The following CLUAP1 variants were observed in gnomAD, a reference collection of about 807,000 sequenced individuals.
CLUAP1 encodes intraflagellar transport 38.
A neutral mutation model predicts 55.0 loss-of-function variants in CLUAP1; 50 were observed. The observed-to-expected ratio is 0.91, with a 90% confidence interval of 0.72 to 1.15. The LOEUF (loss-of-function observed/expected upper bound fraction) is 1.15, where lower values mean the gene tolerates loss of function less well. Among genes scored for constraint, CLUAP1 ranks in the 50% most tolerant of loss-of-function variants. The probability of loss-of-function intolerance (pLI) is 0.00; values close to 1 mark genes in which losing one functional copy is unlikely to be tolerated. For missense variants in CLUAP1, 530 were observed against 507.6 expected (o/e 1.04, Z -0.42); for synonymous variants, 195 against 175.4 (o/e 1.11, Z -0.88).
chr16:3,527,515 C>T (rs1430265926), intron 9 of CLUAP1, among the ~76,000 whole-genome samples: 1 of 152,076 alleles, frequency 6.6e-6, no homozygotes, highest in Admixed American at 6.6e-5. Flanking sequence ...AAAACACCTG[C>T]TACTTAGCAG....
the CLUAP1 span, chr16:3,495,460 G>C: frequency 1.9e-6 from 3 of 1,599,982 alleles, no homozygotes; most frequent in African/African-American, 1.3e-5. Flanking sequence ...CCAGGACTTG[G>C]GTGCAGCAGG....
intron 2 of CLUAP1, among the ~76,000 whole-genome samples, chr16:3,505,371 A>G (rs1221450202): frequency 6.6e-6 from 1 of 151,990 alleles, no homozygotes; most frequent in African/African-American, 2.4e-5. Context: ...TCTATTAAAA[A>G]CACAAAAAAT....
chr16:3,529,389 G>A (rs1054121242), intron 9 of CLUAP1, among the ~76,000 whole-genome samples: 3 of 100,634 alleles, frequency 3.0e-5, no homozygotes, highest in African/African-American at 1.2e-4. Context: ...GTGTGTGTGT[G>A]TGTGTAGTTT....
intron 8 of CLUAP1, among the ~76,000 whole-genome samples, chr16:3,525,065 C>G (rs989568259): frequency 3.3e-5 from 5 of 152,144 alleles, no homozygotes; most frequent in Non-Finnish European, 1.5e-5. Flanking sequence ...ACTGGGAGTA[C>G]CTAACGCATC....
intron 7 of CLUAP1, among the ~76,000 whole-genome samples, chr16:3,522,859 A>G (rs1345175676): frequency 6.6e-6 from 1 of 152,180 alleles, no homozygotes; most frequent in Non-Finnish European, 1.5e-5. Context: ...TATGTCAACT[A>G]TCAAGCGCTT....
At chr16:3,533,264 G>A in intron 11 of CLUAP1, 1 of 877,240 alleles carries the variant, frequency 1.1e-6, no homozygotes. Context: ...GGGCAAAAAG[G>A]CCACTCAAAA....
In CLUAP1 at chr16:3,501,058, C is replaced by A; in HGVS notation, c.-10C>A. Reference sequence around the variant, plus strand: ...AGTTGCGACCCTGGGCTCCTGGGGACCTGAGCGTTATGTCTTTCCGCGACC... The same window carrying A: ...AGTTGCGACCCTGGGCTCCTGGGGAACTGAGCGTTATGTCTTTCCGCGACC... On this transcript the variant is annotated 5_prime_UTR_variant, in exon 1 of 12. Coordinates refer to ENST00000576634, the MANE Select transcript of CLUAP1 (RefSeq NM_015041.3). 1 of 1,599,836 alleles carries A rather than the reference C, an allele frequency of 6.3e-7. No homozygotes were observed. Among genetic ancestry groups the A allele is most frequent in the Non-Finnish European group, 8.5e-7 (1 of 1,176,490 alleles).
At chr16:3,522,733 A>G (rs1043880050) in intron 7 of CLUAP1, among the ~76,000 whole-genome samples, 8 of 151,968 alleles carry the variant, frequency 5.3e-5, no homozygotes, top group African/African-American at 1.7e-4. Flanking sequence ...TTTTAACTCT[A>G]TTGAGATTAC....
chr16:3,508,140 C>T (rs1052243753), intron 3 of CLUAP1, 149 bp from the exon 4 acceptor site: 8 of 642,848 alleles, frequency 1.2e-5, no homozygotes, highest in South Asian at 2.1e-5. Flanking sequence ...TACAACCACT[C>T]ACAATGTTTG....
chr16:3,509,717 C>T (rs1156527770), intron 4 of CLUAP1, among the ~76,000 whole-genome samples: 2 of 152,242 alleles, frequency 1.3e-5, no homozygotes, highest in Non-Finnish European at 2.9e-5. Context: ...AGTGCACTGG[C>T]TGAGCTCCAA....
intron 8 of CLUAP1, among the ~76,000 whole-genome samples, chr16:3,526,175 C>G (rs2037937979): frequency 6.6e-6 from 1 of 152,174 alleles, no homozygotes; most frequent in African/African-American, 2.4e-5. Flanking sequence ...GGTGGGGCAG[C>G]TGCTTCACTC....
At chr16:3,505,124 A>C (rs2037477652) in intron 2 of CLUAP1, among the ~76,000 whole-genome samples, 1 of 152,336 alleles carries the variant, frequency 6.6e-6, no homozygotes, top group South Asian at 2.1e-4. Context: ...TCATAGTTCC[A>C]GCGACTCAGG....
upstream of CLUAP1, chr16:3,496,398 G>A (rs1033507352): frequency 8.7e-6 from 10 of 1,148,858 alleles, no homozygotes; most frequent in African/African-American, 1.4e-4. Flanking sequence ...TCCGTTTCCC[G>A]GATGATCCGG....
At position 3,523,240 on chromosome 16, in the gene CLUAP1, C is replaced by T. The variant is rs754082925; in HGVS notation, c.796C>T (p.Leu266=). Residue 266 remains leucine (L), a synonymous_variant, in exon 8 of 12, where the codon CTG becomes TTG. Transcript: ENST00000576634. ...CACTTATCTGGAGAAATTTCAAAATCTGACTTATCTGGAACAACAGCTTGA... is the reference window on the plus strand; with the variant it reads ...CACTTATCTGGAGAAATTTCAAAATTTGACTTATCTGGAACAACAGCTTGA... ...YDTYLEKFQN[L]TYLEQQLEDH... 3 of 1,613,890 alleles carry T rather than the reference C, an allele frequency of 1.9e-6. No homozygotes were observed. Among genetic ancestry groups the T allele is most frequent in the Non-Finnish European group, 2.5e-6 (3 of 1,179,956 alleles).
chr16:3,536,127 C>T lies in CLUAP1; in HGVS notation c.1098C>T (p.Asp366=). Residue 366 remains aspartate, a synonymous_variant, in exon 12 of 12, where the codon GAC becomes GAT. Transcript: ENST00000576634. The part of the protein sequence containing the change: ...MQGGDSDDNE[D]SEESEIDMED... ...CTGCCATTTTTTTCCTATAGGAGGA[C>T]TCGGAGGAGAGTGAAATTGACATGG... 2 of 1,614,002 alleles carry T rather than the reference C, an allele frequency of 1.2e-6. No homozygotes were observed. Among genetic ancestry groups the T allele is most frequent in the Non-Finnish European group, 1.7e-6 (2 of 1,179,952 alleles).
intron 10 of CLUAP1, among the ~76,000 whole-genome samples, chr16:3,532,403 CTTTTTTTTTTTTTTTTTT>C (rs58037008): frequency 2.0e-5 from 1 of 50,728 alleles, no homozygotes; most frequent in African/African-American, 7.9e-5. Flanking sequence ...AGCACAGTTG[CTTTTTTTTTTTTTTTTTT>C]TTTTTTTTTT....
At position 3,532,968 on chromosome 16, in the gene CLUAP1, C is replaced by T. The variant is rs1195999948; in HGVS notation, c.1092+127C>T. ...TGGTCAGCCCGGCCGTGCCTCGATG[C>T]GTGGCAGGGTTTGGCCTCATGAGGC... On this transcript the variant is annotated intron_variant, in intron 11 of 11. Transcript: ENST00000576634. The T allele has an allele frequency of 3.9e-5, 53 of 1,355,014 alleles. No homozygotes were observed. In the South Asian group the frequency reaches 5.3e-4, roughly 14 times the overall value. The allele number at this position is 1,355,014 out of a possible 1,614,324, so 83.9% of individuals were successfully genotyped here.
rs561380537 is a variant in CLUAP1 at position 3,526,224 on chromosome 16, A to G, written c.856-188A>G. On this transcript the variant is annotated intron_variant, in intron 8 of 11. Transcript: ENST00000576634. ...CCACCAGGCCACGAGGCAACCGCAGAGAGAAAGGGCAGTAAGTTTCAGGAC... is the reference window on the plus strand; with the variant it reads ...CCACCAGGCCACGAGGCAACCGCAGGGAGAAAGGGCAGTAAGTTTCAGGAC... 4.7e-4 allele frequency among the ~76,000 whole-genome samples: 72 copies of G among 152,336 alleles called. 2 individuals carry two copies. In the South Asian group the frequency reaches 0.015, roughly 31 times the overall value.
chr16:3,509,367 G>T (rs888043842), intron 4 of CLUAP1, among the ~76,000 whole-genome samples: 1 of 152,220 alleles, frequency 6.6e-6, no homozygotes, highest in African/African-American at 2.4e-5. Context: ...CTTTGTCTTT[G>T]CCTCTAAGGT....
Sources: gnomAD v4.1 joint callset for allele counts (sites outside exome capture counted in the v4.1 genomes callset) on GRCh38, gnomAD v4.1.1 for gene constraint, MANE v1.5 for transcripts, NCBI Gene and HGNC (gene_info 2026-07-23, HGNC 2026-07-21) for gene names.